The following BLM variants were observed in gnomAD, a reference collection of about 807,000 sequenced individuals.
The protein encoded by BLM is recQ-like DNA helicase BLM.
In BLM, 95 loss-of-function variants were observed where a neutral mutation model predicts 135.3. That is an observed-to-expected ratio of 0.70 (90% confidence interval 0.59 to 0.83). The LOEUF (loss-of-function observed/expected upper bound fraction) is 0.83. Among genes scored for constraint, BLM ranks in the 40% least tolerant of loss-of-function variants. The pLI is 0.00. For synonymous variants in BLM, 520 were observed against 589.2 expected (o/e 0.88, Z 1.70); for missense variants, 1,518 against 1,663.9 (o/e 0.91, Z 1.53).
At chr15:90,776,622 A>G (rs1389335434) in intron 12 of BLM, among the ~76,000 whole-genome samples, 11 of 152,154 alleles carry the variant, frequency 7.2e-5, no homozygotes, top group Admixed American at 5.2e-4. Flanking sequence ...CCCAGGCTCA[A>G]TTTATCCTCC....
At chr15:90,790,873 C>T (rs761788362) in intron 15 of BLM, 29 bp downstream of exon 15, 2 of 1,590,544 alleles carry the variant, frequency 1.3e-6, no homozygotes, top group East Asian at 4.5e-5. Context: ...TAGAGACATT[C>T]TGTCATCTTC....
At chr15:90,774,066 CTTTTTTTTTTTTTT>C (rs61323062) in intron 12 of BLM, among the ~76,000 whole-genome samples, 2 of 76,866 alleles carry the variant, frequency 2.6e-5, no homozygotes, top group African/African-American at 1.2e-4. Flanking sequence ...GTGCCTCCGT[CTTTTTTTTTTTTTT>C]TTTTTTTTTT....
At chr15:90,783,453 C>G (rs1347182722) in intron 13 of BLM, among the ~76,000 whole-genome samples, 1 of 152,206 alleles carries the variant, frequency 6.6e-6, no homozygotes, top group Admixed American at 6.5e-5. Context: ...CCCGCTCAGA[C>G]TCACCTCCCC....
chr15:90,785,408 C>T (rs1896721149), intron 14 of BLM, among the ~76,000 whole-genome samples: 1 of 152,176 alleles, frequency 6.6e-6, no homozygotes, highest in South Asian at 2.1e-4. Context: ...AAACCTCATA[C>T]CCAGTCACTT....
chr15:90,815,280 C>G lies in BLM; in HGVS notation c.*1C>G. On this transcript the variant is annotated 3_prime_UTR_variant, in exon 22 of 22. Transcript: ENST00000355112. This position sits in a 1 kb window ranked among gnomAD's most constrained non-coding sequence, Gnocchi z 4.6. ...TAAGCCTTCATATGCATTCTCATAA[C>G]AACCGAATCTCAATGTACATAGACC... 1 of 1,613,540 alleles carries G rather than the reference C, an allele frequency of 6.2e-7. No homozygotes were observed. The highest frequency in any genetic ancestry group is 8.5e-7 in the Non-Finnish European group (1 of 1,179,480).
chr15:90,786,564 T>TCA (rs1896754359), intron 14 of BLM, among the ~76,000 whole-genome samples: 1 of 152,230 alleles, frequency 6.6e-6, no homozygotes, highest in Non-Finnish European at 1.5e-5. Context: ...GTATTCATCC[T>TCA]TGTGTGTGGG....
chr15:90,798,588 GAATGTAACTATTAA>G (rs1183645863), intron 17 of BLM, among the ~76,000 whole-genome samples: 1 of 152,158 alleles, frequency 6.6e-6, no homozygotes, highest in Non-Finnish European at 1.5e-5. Flanking sequence ...TGAGTGGGTG[GAATGTAACTATTAA>G]AATGTCAGTA....
At chr15:90,740,812 C>A (rs1346567705) in intron 1 of BLM, among the ~76,000 whole-genome samples, 1 of 152,202 alleles carries the variant, frequency 6.6e-6, no homozygotes, top group Non-Finnish European at 1.5e-5. Context: ...CCTGCACACA[C>A]TTTCTTGCCT....
intron 1 of BLM, among the ~76,000 whole-genome samples, chr15:90,720,768 AT>A (rs144217199): frequency 6.8e-4 from 104 of 151,862 alleles, no homozygotes; most frequent in African/African-American, 2.3e-3. Flanking sequence ...TGGGCTTTTG[AT>A]TTTTTGTAGA....
At chr15:90,812,859 G>A (rs28385167) in intron 21 of BLM, among the ~76,000 whole-genome samples, 3,542 of 152,266 alleles carry the variant, frequency 0.023, 56 homozygotes, top group Non-Finnish European at 0.037. Flanking sequence ...ATTAGAAAAC[G>A]TTAGTTTAAT....
chr15:90,785,157 C>A, intron 14 of BLM, 76 bp downstream of exon 14: 2 of 1,469,450 alleles, frequency 1.4e-6, no homozygotes, highest in Non-Finnish European at 1.9e-6. Context: ...ATGTAGAATG[C>A]AAACTGTTTT....
At chr15:90,780,798 G>A (rs1325760928) in intron 12 of BLM, among the ~76,000 whole-genome samples, 1 of 152,210 alleles carries the variant, frequency 6.6e-6, no homozygotes, top group Non-Finnish European at 1.5e-5. Context: ...TGACAGTACA[G>A]TGTAGCAACT....
intron 12 of BLM, among the ~76,000 whole-genome samples, chr15:90,771,561 G>A (rs1266806828): frequency 1.3e-5 from 2 of 149,704 alleles, no homozygotes; most frequent in African/African-American, 4.9e-5. Flanking sequence ...CTATTTGCAA[G>A]TAAGTACTTC....
intron 10 of BLM, 83 bp downstream of exon 10, chr15:90,767,106 T>G (rs1263149618): frequency 1.2e-6 from 1 of 860,598 alleles, no homozygotes; most frequent in East Asian, 2.8e-5. Context: ...AAATTTTGTA[T>G]ACGTAGTGCA....
At chr15:90,801,862 C>A (rs1897172533) in intron 17 of BLM, among the ~76,000 whole-genome samples, 1 of 151,126 alleles carries the variant, frequency 6.6e-6, no homozygotes, top group South Asian at 2.1e-4. Flanking sequence ...TCAAGATCAG[C>A]CTGAGCAACC....
chr15:90,751,722 A>G, intron 3 of BLM, 65 bp from the exon 4 acceptor site: 2 of 1,417,960 alleles, frequency 1.4e-6, no homozygotes, highest in South Asian at 2.3e-5. Flanking sequence ...TTAATCGCTC[A>G]TGCCCTGTTC....
intron 12 of BLM, among the ~76,000 whole-genome samples, chr15:90,773,184 C>T (rs1163967197): frequency 2.0e-5 from 3 of 151,278 alleles, no homozygotes; most frequent in Admixed American, 2.0e-4. Flanking sequence ...CTTTGGGAGG[C>T]CAAGGGAGAC....
intron 1 of BLM, among the ~76,000 whole-genome samples, chr15:90,746,024 G>C (rs1163988510): frequency 1.3e-5 from 2 of 152,186 alleles, no homozygotes; most frequent in African/African-American, 4.8e-5. Flanking sequence ...GCTGCAGTGA[G>C]CTGTGATTGA....
intron 19 of BLM, among the ~76,000 whole-genome samples, chr15:90,806,693 G>A (rs1021759294): frequency 4.6e-5 from 7 of 152,090 alleles, no homozygotes; most frequent in Non-Finnish European, 8.8e-5. Context: ...AGAGTTCCTG[G>A]AAAACAACGT....
Sources: gnomAD v4.1 joint callset for allele counts (sites outside exome capture counted in the v4.1 genomes callset) on GRCh38, gnomAD v4.1.1 for gene constraint, Gnocchi (gnomAD v3.1) non-coding constraint, MANE v1.5 for transcripts, NCBI Gene and HGNC (gene_info 2026-07-23, HGNC 2026-07-21) for gene names.